Variants in RARRES1 observed in about 807,000 individuals in gnomAD.
RARRES1 encodes retinoic acid receptor responder 1.
Under a neutral mutation model 30.6 loss-of-function variants are expected in RARRES1, and 34 were observed. The ratio of observed to expected loss-of-function variants is 1.11; its 90% confidence interval spans 0.84 to 1.48. RARRES1 has a LOEUF of 1.48. Among genes scored for constraint, RARRES1 ranks in the 40% most tolerant of loss-of-function variants. The pLI is 0.00. For synonymous variants in RARRES1, 153 were observed against 155.5 expected (o/e 0.98, Z 0.12); for missense variants, 373 against 386.5 (o/e 0.97, Z 0.29).
chr3:158,714,537 A>C (rs1046333044), intron 1 of RARRES1, among the ~76,000 whole-genome samples: 2 of 152,216 alleles, frequency 1.3e-5, no homozygotes, highest in Non-Finnish European at 2.9e-5. Flanking sequence ...AAGTCTTCCA[A>C]TGCTATGCTC....
chr3:158,712,917 A>G (rs9864589), intron 2 of RARRES1, among the ~76,000 whole-genome samples: 23,364 of 152,242 alleles, frequency 0.15, 1,860 homozygotes, highest in Middle Eastern at 0.23. Context: ...TGCAACACTA[A>G]CAATCAAAGG....
rs1215538535 is a variant in RARRES1, at chr3:158,704,856, T to A, written c.607A>T (p.Met203Leu). Reference protein sequence around the residue: ...DLAFLGSSYVMWEMTTQVSHY... With the variant: ...DLAFLGSSYVLWEMTTQVSHY... Reference sequence around the variant, plus strand: ...GACACCTGTGTTGTCATTTCCCACATCACGTAAGAGCTTCCAAGGAAAGCC... The same window carrying A: ...GACACCTGTGTTGTCATTTCCCACAACACGTAAGAGCTTCCAAGGAAAGCC... Residue 203 changes from methionine (M) to leucine (L), a missense_variant, in exon 4 of 6, where the codon ATG (methionine) becomes TTG (leucine). By Grantham distance (15) the Met-to-Leu change is conservative. Coordinates refer to ENST00000237696, the MANE Select transcript of RARRES1 (RefSeq NM_206963.2). 5.6e-6 allele frequency: 9 copies of A among 1,613,942 alleles called. No individual in the cohort carries two copies. Among genetic ancestry groups the A allele is most frequent in the Non-Finnish European group, 7.6e-6 (9 of 1,179,998 alleles).
chr3:158,702,795 G>T (rs1271937869), intron 4 of RARRES1, among the ~76,000 whole-genome samples: 1 of 152,130 alleles, frequency 6.6e-6, no homozygotes, highest in African/African-American at 2.4e-5. Context: ...ATCTTGACTT[G>T]TTATATGGCA....
At position 158,706,429 on chromosome 3, in the gene RARRES1, A is replaced by C. The variant is rs530935234; in HGVS notation, c.536-1502T>G. 2.0e-5 allele frequency among the ~76,000 whole-genome samples: 3 copies of C among 152,282 alleles called. No individual in the cohort carries two copies. The South Asian group carries it at 6.2e-4, about 32-fold the overall frequency. On this transcript the variant is annotated intron_variant, in intron 3 of 5. Transcript: ENST00000237696. ...AGAAAGTGAGCACGTGAAGGTAGGA[A>C]GGCACCAGGCAGGGGCAGCCTCAGT... is the stretch of plus-strand genomic sequence containing the variant.
chr3:158,708,948 C>T (rs1478409742), intron 3 of RARRES1, among the ~76,000 whole-genome samples: 3 of 152,150 alleles, frequency 2.0e-5, no homozygotes, highest in Non-Finnish European at 4.4e-5. Flanking sequence ...TGAGCCACCG[C>T]GCCTGGCCCC....
intron 2 of RARRES1, among the ~76,000 whole-genome samples, chr3:158,711,855 A>G (rs1321315452): frequency 6.6e-6 from 1 of 152,114 alleles, no homozygotes; most frequent in Non-Finnish European, 1.5e-5. Context: ...TGGCTTCCCA[A>G]AGTGCTGGGA....
At chr3:158,712,719 C>T (rs372480758) in intron 2 of RARRES1, among the ~76,000 whole-genome samples, 1 of 152,138 alleles carries the variant, frequency 6.6e-6, no homozygotes, top group African/African-American at 2.4e-5. Context: ...TCATTTCCCC[C>T]TCAAAACATC....
chr3:158,712,001 C>T (rs1259793323), intron 2 of RARRES1, among the ~76,000 whole-genome samples: 4 of 152,180 alleles, frequency 2.6e-5, no homozygotes, highest in African/African-American at 7.2e-5. Flanking sequence ...TGACTCATTT[C>T]TAGCATAGTG....
chr3:158,706,903 T>C (rs1726941951), intron 3 of RARRES1, among the ~76,000 whole-genome samples: 1 of 152,136 alleles, frequency 6.6e-6, no homozygotes, highest in Non-Finnish European at 1.5e-5. Flanking sequence ...GCATGGTGGC[T>C]CACGCCTGTA....
At position 158,704,492 on chromosome 3, in the gene RARRES1, A is replaced by C. The variant is rs939387929; in HGVS notation, c.672+299T>G. 1.3e-5 allele frequency among the ~76,000 whole-genome samples: 2 copies of C among 151,842 alleles called. 1 individual carries two copies. Among genetic ancestry groups the C allele is most frequent in the African/African-American group, 4.8e-5 (2 of 41,344 alleles). On this transcript the variant is annotated intron_variant, in intron 4 of 5. Coordinates refer to ENST00000237696, the MANE Select transcript of RARRES1 (RefSeq NM_206963.2). ...AGTGATCCTTCCACCTTGGCTACTTAATTTTTTTCATAGCATTTACCATCA... is the reference window on the plus strand; with the variant it reads ...AGTGATCCTTCCACCTTGGCTACTTCATTTTTTTCATAGCATTTACCATCA...
intron 4 of RARRES1, 149 bp downstream of exon 4, chr3:158,704,642 C>A: frequency 7.9e-7 from 1 of 1,270,112 alleles, no homozygotes; most frequent in Non-Finnish European, 1.0e-6. Context: ...TGAAACAATA[C>A]TTGGCCCATT....
chr3:158,724,831 T>TC (rs2108152735), intron 1 of RARRES1, among the ~76,000 whole-genome samples: 1 of 151,560 alleles, frequency 6.6e-6, no homozygotes, highest in East Asian at 1.9e-4. Context: ...TCCCTTTCTT[T>TC]TTTTTTTTTT....
At chr3:158,726,695 G>A (rs1231005191) in intron 1 of RARRES1, among the ~76,000 whole-genome samples, 1 of 152,208 alleles carries the variant, frequency 6.6e-6, no homozygotes, top group Non-Finnish European at 1.5e-5. Flanking sequence ...GCAGAGGGTT[G>A]TTCAGCATAT....
intron 4 of RARRES1, among the ~76,000 whole-genome samples, chr3:158,702,580 C>T (rs7610009): frequency 1.9e-4 from 29 of 152,184 alleles, no homozygotes; most frequent in African/African-American, 7.0e-4. Context: ...ATGTGTTGCT[C>T]TATTCCTATT....
intron 1 of RARRES1, among the ~76,000 whole-genome samples, chr3:158,727,660 G>C (rs1031148101): frequency 3.3e-5 from 5 of 152,126 alleles, no homozygotes; most frequent in Non-Finnish European, 7.4e-5. Context: ...GCATAAGATC[G>C]CTCAGCACCA....
At chr3:158,726,965 T>C (rs2108154686) in intron 1 of RARRES1, among the ~76,000 whole-genome samples, 1 of 152,252 alleles carries the variant, frequency 6.6e-6, no homozygotes, top group East Asian at 1.9e-4. Flanking sequence ...GATCTGGTTG[T>C]TTGAGGGTGT....
At chr3:158,724,878 A>G (rs1293025965) in intron 1 of RARRES1, among the ~76,000 whole-genome samples, 1 of 151,872 alleles carries the variant, frequency 6.6e-6, no homozygotes, top group East Asian at 1.9e-4. Context: ...CCAGTCTGGA[A>G]GGCAGTGGTG....
At position 158,697,610 on chromosome 3, in the gene RARRES1, T is replaced by C. The variant is rs1302235100; in HGVS notation, c.*68A>G. On this transcript the variant is annotated 3_prime_UTR_variant, in exon 6 of 6. Coordinates refer to ENST00000237696, the MANE Select transcript of RARRES1 (RefSeq NM_206963.2). The stretch of plus-strand genomic sequence containing the variant: ...TAGAATGTCTATACCTTAGCTGTTT[T>C]ACTAGAAGAATGATTTATGCTAGTA... 1.4e-6 allele frequency: 2 copies of C among 1,457,440 alleles called. No individual in the cohort carries two copies. Among genetic ancestry groups the C allele is most frequent in the Non-Finnish European group, 1.9e-6 (2 of 1,065,346 alleles). The allele number at this position is 1,457,440 out of a possible 1,614,324, so 90.3% of individuals were successfully genotyped here. A position where few individuals can be genotyped will look rare whatever the true frequency, so the allele number is the denominator to read the frequency against.
chr3:158,698,003 TA>T, intron 4 of RARRES1, 33 bp from the exon 5 acceptor site: 1 of 1,392,950 alleles, frequency 7.2e-7, no homozygotes, highest in Non-Finnish European at 1.0e-6. Flanking sequence ...GTGTAATAAA[TA>T]TGGTGGTATT....
Sources: allele counts gnomAD v4.1 joint callset (sites outside exome capture counted in the v4.1 genomes callset), GRCh38; gene constraint gnomAD v4.1.1; transcripts MANE v1.5; gene names NCBI Gene and HGNC (gene_info 2026-07-23, HGNC 2026-07-21).